The following KCTD1 variants were observed in gnomAD, a reference collection of about 807,000 sequenced individuals.
KCTD1 encodes the protein potassium channel tetramerization domain containing 1.
In KCTD1, 24 loss-of-function variants were observed where a neutral mutation model predicts 66.0. The ratio of observed to expected loss-of-function variants is 0.36; its 90% confidence interval spans 0.26 to 0.51. KCTD1 has a LOEUF of 0.51. KCTD1 is among the 20% of genes least tolerant of loss of function. The pLI is 0.95. For missense variants in KCTD1, 943 were observed against 1,205.2 expected, an observed-to-expected ratio of 0.78 and a Z score of 3.22; for synonymous variants, 511 against 517.2, an observed-to-expected ratio of 0.99 and a Z score of 0.16.
Position 26,547,694 on chromosome 18 carries a change from C to T in KCTD1, c.843G>A (p.Lys281=). Residue 281 remains lysine, a synonymous_variant, in exon 1 of 5, where the codon AAG becomes AAA. Coordinates refer to ENST00000580059, the MANE Select transcript of KCTD1 (RefSeq NM_001142730.3). ...GCAGGTCGGCGCGCGTGATGGCTTG[C>T]TTCTGCACCACCGGCCCGGCGCCCT... is the stretch of plus-strand genomic sequence containing the variant. The part of the protein sequence containing the change: ...EEQGAGPVVQ[K]QAITRADLRK... The T allele has an allele frequency of 6.4e-7, 1 of 1,550,714 alleles. No individual in the cohort carries two copies. Among genetic ancestry groups the T allele is most frequent in the Non-Finnish European group, 8.7e-7 (1 of 1,146,932 alleles).
At chr18:26,606,475 ATCTGGCTGGCC>A (rs2144982377) in intron 1 of KCTD1, among the ~76,000 whole-genome samples, 1 of 152,308 alleles carries the variant, frequency 6.6e-6, no homozygotes, top group Non-Finnish European at 1.5e-5. Context: ...CACTCTTTGA[ATCTGGCTGGCC>A]TCGTGACTTG....
chr18:26,608,275 T>A (rs1441612415), intron 1 of KCTD1, among the ~76,000 whole-genome samples: 1 of 152,236 alleles, frequency 6.6e-6, no homozygotes, highest in Non-Finnish European at 1.5e-5. Context: ...TCTTACCTGC[T>A]TCACTAATTT....
At chr18:26,651,102 C>G (rs1034764967) in intron 1 of KCTD1, among the ~76,000 whole-genome samples, 1 of 151,784 alleles carries the variant, frequency 6.6e-6, no homozygotes, top group African/African-American at 2.4e-5. Context: ...CAATCTCACA[C>G]TGTTTTTGTT....
intron 1 of KCTD1, among the ~76,000 whole-genome samples, chr18:26,522,395 AATCATG>A (rs929486031): frequency 3.3e-5 from 5 of 152,182 alleles, no homozygotes; most frequent in African/African-American, 1.2e-4. Flanking sequence ...AGCTAGGAAG[AATCATG>A]AAACAGATTC....
chr18:26,489,459 A>C (rs966953767), intron 2 of KCTD1, among the ~76,000 whole-genome samples: 1 of 152,118 alleles, frequency 6.6e-6, no homozygotes, highest in Non-Finnish European at 1.5e-5. Context: ...GTGTTTCCCA[A>C]GCTGGTGTTG....
intron 2 of KCTD1, among the ~76,000 whole-genome samples, chr18:26,493,603 G>C (rs767258886): frequency 1.3e-5 from 2 of 152,050 alleles, no homozygotes; most frequent in Non-Finnish European, 2.9e-5. Flanking sequence ...ATATTATGGG[G>C]TACATGAGAT....
intron 1 of KCTD1, among the ~76,000 whole-genome samples, chr18:26,618,739 A>T (rs1284928789): frequency 1.3e-5 from 2 of 152,236 alleles, no homozygotes; most frequent in East Asian, 3.8e-4. Context: ...TACTTGAAAA[A>T]TTCAACTGTT....
chr18:26,656,296 ATCCT>A (rs1160849913), intron 1 of KCTD1, among the ~76,000 whole-genome samples: 2 of 152,178 alleles, frequency 1.3e-5, no homozygotes, highest in African/African-American at 4.8e-5. Context: ...CAGCGCTCGC[ATCCT>A]TCCCCCGTCC....
intron 1 of KCTD1, among the ~76,000 whole-genome samples, chr18:26,616,688 TA>T (rs33952397): frequency 6.0e-4 from 20 of 33,506 alleles, no homozygotes; most frequent in Admixed American, 1.2e-3. Context: ...CCTGGCTAAT[TA>T]AAAAAAAAAA....
intron 1 of KCTD1, among the ~76,000 whole-genome samples, chr18:26,572,380 C>T (rs748047767): frequency 5.3e-5 from 8 of 152,170 alleles, no homozygotes; most frequent in Non-Finnish European, 1.0e-4. Flanking sequence ...GGCACCATTA[C>T]AGCATGACAA....
Position 26,496,687 on chromosome 18 carries a change from CAATTTACTCACTG to C in KCTD1, c.1988+4372_1988+4384del, listed in dbSNP as rs199897654. Reference sequence around the variant, plus strand: ...GTGGCTAACCTTGAGGTGTAAAAGTCAATTTACTCACTGAATCATTACTCAGGGTTTACAAGCT... The same window carrying C: ...GTGGCTAACCTTGAGGTGTAAAAGTCAATCATTACTCAGGGTTTACAAGCT... On this transcript the variant is annotated intron_variant, in intron 2 of 4. Coordinates refer to ENST00000580059, the MANE Select transcript of KCTD1 (RefSeq NM_001142730.3). Among the ~76,000 whole-genome samples the C allele has an allele frequency of 1.6e-3, 239 of 151,762 alleles. 7 individuals carry two copies. In the East Asian group the frequency reaches 0.036, roughly 23 times the overall value.
chr18:26,547,493 G>A lies in KCTD1; in HGVS notation c.1044C>T (p.Phe348=), dbSNP rs780073725. 3.2e-6 allele frequency: 5 copies of A among 1,551,578 alleles called. No homozygotes were observed. In the South Asian group the frequency reaches 4.8e-5, roughly 15 times the overall value. Residue 348 remains phenylalanine (F), a synonymous_variant, in exon 1 of 5, where the codon TTC becomes TTT. Coordinates refer to ENST00000580059, the MANE Select transcript of KCTD1 (RefSeq NM_001142730.3). ...ACTTGTGGTAGGGCCCGAGGGACTT[G>A]AAGTAGACGAACTTGCGACCGTCCT... ...MDEDGRKFVY[F]KSLGPYHKSR...
intron 3 of KCTD1, among the ~76,000 whole-genome samples, chr18:26,470,849 G>A (rs868700021): frequency 6.6e-6 from 1 of 152,198 alleles, no homozygotes; most frequent in African/African-American, 2.4e-5. Context: ...AAGGCCAGGG[G>A]AATGGCTGCA....
intron 1 of KCTD1, among the ~76,000 whole-genome samples, chr18:26,564,539 ATTATT>A (rs1431632950): frequency 2.0e-5 from 3 of 152,208 alleles, no homozygotes; most frequent in African/African-American, 7.2e-5. Context: ...ATACTTCTAT[ATTATT>A]TTATTATAAT....
At chr18:26,636,743 G>A (rs947055581) in intron 1 of KCTD1, among the ~76,000 whole-genome samples, 21 of 152,184 alleles carry the variant, frequency 1.4e-4, no homozygotes, top group African/African-American at 3.9e-4. Context: ...CCTGGCGAGC[G>A]GCTTGAGCTG....
chr18:26,544,530 G>C (rs1409370053), intron 1 of KCTD1: 3 of 152,218 alleles, frequency 2.0e-5, no homozygotes, highest in Non-Finnish European at 4.4e-5. Context: ...TATTAGGCTA[G>C]AGAGCCTATG....
chr18:26,634,741 G>A (rs1272236590), intron 1 of KCTD1, among the ~76,000 whole-genome samples: 1 of 152,042 alleles, frequency 6.6e-6, no homozygotes, highest in East Asian at 1.9e-4. Flanking sequence ...TATTTTTACC[G>A]AATTGAACTT....
chr18:26,587,279 A>G (rs895983368), intron 1 of KCTD1, among the ~76,000 whole-genome samples: 1 of 152,226 alleles, frequency 6.6e-6, no homozygotes, highest in African/African-American at 2.4e-5. Flanking sequence ...ATAAAAGCAC[A>G]TCTACTTACA....
rs560258383 is a variant in KCTD1 at position 26,548,520 on chromosome 18, C to G, written c.17G>C (p.Gly6Ala). ...CGCGCTGGTGTTACAGTCCCCGCTG[C>G]CAGGCATTCTCGCCATATTGCCGTC... Reference protein sequence around the residue: MARMPGSGDCNTSAGG... With the variant: MARMPASGDCNTSAGG... Residue 6 changes from glycine to alanine, a missense_variant, in exon 1 of 5, where the codon GGC becomes GCC. Coordinates refer to ENST00000580059, the MANE Select transcript of KCTD1 (RefSeq NM_001142730.3). The G allele has an allele frequency of 7.3e-6, 9 of 1,238,906 alleles. No individual in the cohort carries two copies. The South Asian group carries it at 3.2e-4, about 43-fold the overall frequency. 76.7% of individuals were successfully genotyped at this position (1,238,906 alleles called of 1,614,324 possible). A position where few individuals can be genotyped will look rare whatever the true frequency, so the allele number is the denominator to read the frequency against.
Sources: gnomAD v4.1 joint callset for allele counts (sites outside exome capture counted in the v4.1 genomes callset) on GRCh38, gnomAD v4.1.1 for gene constraint, MANE v1.5 for transcripts, NCBI Gene and HGNC (gene_info 2026-07-23, HGNC 2026-07-21) for gene names.